The following B3GAT1 variants were observed in gnomAD, a reference collection of about 807,000 sequenced individuals.
The protein encoded by B3GAT1 is beta-1,3-glucuronyltransferase 1.
B3GAT1 carries 11 observed loss-of-function variants against 28.4 expected under a neutral mutation model. The observed-to-expected ratio is 0.39, with a 90% CI of 0.24 to 0.64. B3GAT1 has a LOEUF of 0.64. Ranked by LOEUF, B3GAT1 falls within the 30% of genes least tolerant of loss-of-function variation. B3GAT1 has a pLI of 0.50. For missense variants in B3GAT1, 375 were observed against 491.0 expected (o/e 0.76, Z 2.23); for synonymous variants, 255 against 223.1 (o/e 1.14, Z -1.27).
intron 4 of B3GAT1, 56 bp downstream of exon 4, chr11:134,382,654 G>T: frequency 6.4e-7 from 1 of 1,569,870 alleles, no homozygotes; most frequent in Non-Finnish European, 8.7e-7. Context: ...TGTAGGGAGG[G>T]TCTGGATGTA....
chr11:134,396,016 G>A (rs1293727836), intron 1 of B3GAT1, among the ~76,000 whole-genome samples: 1 of 152,030 alleles, frequency 6.6e-6, no homozygotes, highest in Non-Finnish European at 1.5e-5. Context: ...GCTCCTGGGG[G>A]CTGCTTGCAG....
At chr11:134,384,428 G>GCC in intron 2 of B3GAT1, 1 of 515,654 alleles carries the variant, frequency 1.9e-6, no homozygotes, top group Non-Finnish European at 3.3e-6. Context: ...CACCTTTGCA[G>GCC]CCCTCTAGCT....
chr11:134,388,025 C>T, intron 1 of B3GAT1, 85 bp from the exon 2 acceptor site: 1 of 485,778 alleles, frequency 2.1e-6, no homozygotes. Flanking sequence ...CTGGGACACA[C>T]AGCATCGGGG....
At chr11:134,406,017 CCTGT>C (rs1316500121) in intron 1 of B3GAT1, among the ~76,000 whole-genome samples, 1 of 152,250 alleles carries the variant, frequency 6.6e-6, no homozygotes. Flanking sequence ...CCCTGTCCCT[CCTGT>C]CTTAGACGAG....
chr11:134,389,209 G>C (rs1944359069), intron 1 of B3GAT1: 1 of 152,222 alleles, frequency 6.6e-6, no homozygotes, highest in Non-Finnish European at 1.5e-5. Context: ...ACAGTCTTTT[G>C]AGGACAAAGA....
intron 4 of B3GAT1, 149 bp from the exon 5 acceptor site, chr11:134,382,173 T>C (rs926864736): frequency 7.4e-6 from 5 of 678,408 alleles, no homozygotes; most frequent in Non-Finnish European, 9.9e-6. Flanking sequence ...ATTTTCTCAA[T>C]TGTTTTTTAT....
rs7109543 is a variant in B3GAT1 at position 134,411,435 on chromosome 11, G to T, written c.-282+372C>A. Among the ~76,000 whole-genome samples, 4,074 of 152,146 alleles carry T rather than the reference G, an allele frequency of 0.027. 106 individuals are homozygous for T. Among genetic ancestry groups the T allele is most frequent in the African/African-American group, 0.07 (2,898 of 41,494 alleles). On this transcript the variant is annotated intron_variant, in intron 1 of 5. Transcript: ENST00000312527. The surrounding 1 kb of genome is among the most constrained non-coding windows in gnomAD (Gnocchi z 6.0). ...CAGCAGGGGTGGGGAGGTGGGGGAC[G>T]ACTGACCCCTGACTCCTCATCCGGC...
intron 1 of B3GAT1, among the ~76,000 whole-genome samples, chr11:134,410,144 T>TG (rs1284557911): frequency 6.6e-6 from 1 of 152,208 alleles, no homozygotes; most frequent in Non-Finnish European, 1.5e-5. Context: ...TGAAGCTCCT[T>TG]GGTCTCCGCC....
chr11:134,401,713 C>T (rs1355105067), intron 1 of B3GAT1, among the ~76,000 whole-genome samples: 1 of 152,056 alleles, frequency 6.6e-6, no homozygotes, highest in African/African-American at 2.4e-5. Context: ...GCACATGTAC[C>T]ACTGAATCTA....
At chr11:134,389,061 C>G (rs1350483445) in intron 1 of B3GAT1, 2 of 152,236 alleles carry the variant, frequency 1.3e-5, no homozygotes, top group African/African-American at 4.8e-5. Flanking sequence ...AACTAATTTA[C>G]ATTCCCACCA....
At chr11:134,396,487 C>T (rs894031035) in intron 1 of B3GAT1, among the ~76,000 whole-genome samples, 8 of 152,208 alleles carry the variant, frequency 5.3e-5, no homozygotes, top group East Asian at 1.9e-4. Context: ...CACAGCCAGA[C>T]GACCCTGTGC....
intron 1 of B3GAT1, among the ~76,000 whole-genome samples, chr11:134,395,672 T>A (rs1944491402): frequency 1.3e-5 from 2 of 152,000 alleles, no homozygotes; most frequent in Admixed American, 6.6e-5. Context: ...TTGCCCTCCT[T>A]CCTTGCTACC....
chr11:134,396,455 G>A (rs999801688), intron 1 of B3GAT1, among the ~76,000 whole-genome samples: 21 of 152,246 alleles, frequency 1.4e-4, no homozygotes, highest in African/African-American at 4.3e-4. Context: ...GGGGCCCTGC[G>A]ATGCAGAAAG....
At chr11:134,397,011 C>G (rs1008860414) in intron 1 of B3GAT1, among the ~76,000 whole-genome samples, 1 of 152,194 alleles carries the variant, frequency 6.6e-6, no homozygotes, top group African/African-American at 2.4e-5. Flanking sequence ...TCAGATCCAA[C>G]CACCATCTTT....
rs1555100015 is a variant in B3GAT1, at chr11:134,411,670, G to GCAGA, written c.-282+136_-282+137insTCTG. 1.3e-4 allele frequency: 19 copies of GCAGA among 144,640 alleles called. No homozygotes were observed. The highest frequency in any genetic ancestry group is 4.8e-4 in the African/African-American group (19 of 39,582). 9.0% of individuals were successfully genotyped at this position (144,640 alleles called of 1,614,324 possible). A position where few individuals can be genotyped will look rare whatever the true frequency, so the allele number is the denominator to read the frequency against. ...TCCAGCTGCCCCCAGCGCGCGCAGC[G>GCAGA]CACACACACACACACACACACACAC... On this transcript the variant is annotated intron_variant, in intron 1 of 5. Transcript: ENST00000312527. The surrounding 1 kb of genome is among the most constrained non-coding windows in gnomAD (Gnocchi z 6.0).
intron 1 of B3GAT1, among the ~76,000 whole-genome samples, chr11:134,404,954 G>A (rs540618729): frequency 6.6e-6 from 1 of 152,354 alleles, no homozygotes; most frequent in East Asian, 1.9e-4. Flanking sequence ...GTCAGCTGCA[G>A]TGTGGGTGCA....
rs746984559 is a variant in B3GAT1, at chr11:134,384,206, C to T, written c.113-18G>A. 1.6e-5 allele frequency: 25 copies of T among 1,521,378 alleles called. No individual in the cohort carries two copies. In the Admixed American group the frequency reaches 2.1e-4, roughly 13 times the overall value. The allele number at this position is 1,521,378 out of a possible 1,614,324, so 94.2% of individuals were successfully genotyped here. A position where few individuals can be genotyped will look rare whatever the true frequency, so the allele number is the denominator to read the frequency against. ...GCCCTCATCTGCGGAGTCGGGAGAC[C>T]GGCGATGTGGGAGGAGAGCGCCGGC... On this transcript the variant is annotated intron_variant, in intron 2 of 5. Transcript: ENST00000312527.
Position 134,383,946 on chromosome 11 carries a change from C to T in B3GAT1, c.355G>A (p.Val119Met), listed in dbSNP as rs772624502. ...GTCCGGCGCGGCGCATCCTCCACCA[C>T]CAGCCAGTGGAGGTTGGGCACGTGC... ...LLHVPNLHWL[V>M]VEDAPRRTPL... The change falls in exon 3 of 6, where the codon GTG (valine) becomes ATG (methionine). Residue 119 changes from valine to methionine, a missense_variant. Transcript: ENST00000312527. 1 of 1,598,736 alleles carries T rather than the reference C, an allele frequency of 6.3e-7. No individual in the cohort carries two copies.
At chr11:134,396,356 C>T (rs1316979622) in intron 1 of B3GAT1, among the ~76,000 whole-genome samples, 5 of 152,152 alleles carry the variant, frequency 3.3e-5, no homozygotes, top group Non-Finnish European at 1.5e-5. Context: ...CTGAGGGTGA[C>T]GGCAGAACCC....
Sources: allele counts gnomAD v4.1 joint callset (sites outside exome capture counted in the v4.1 genomes callset), GRCh38; gene constraint gnomAD v4.1.1; non-coding constraint Gnocchi (gnomAD v3.1); transcripts MANE v1.5; gene names NCBI Gene and HGNC (gene_info 2026-07-23, HGNC 2026-07-21).